The following TNKS variants were observed in gnomAD, a reference collection of about 807,000 sequenced individuals.
TNKS encodes the protein poly [ADP-ribose] polymerase tankyrase-1.
In TNKS, 72 loss-of-function variants were observed where a neutral mutation model predicts 135.8. The observed-to-expected ratio is 0.53, with a 90% confidence interval of 0.44 to 0.64. The LOEUF is 0.64. Among genes scored for constraint, TNKS ranks in the 30% least tolerant of loss-of-function variants. The pLI is 0.00. For synonymous variants in TNKS, 849 were observed against 649.3 expected (o/e 1.31, Z -4.68); for missense variants, 1,769 against 1,674.0 (o/e 1.06, Z -0.99).
chr8:9,589,177 A>G (rs1193662242), intron 2 of TNKS, among the ~76,000 whole-genome samples: 1 of 152,198 alleles, frequency 6.6e-6, no homozygotes, highest in Non-Finnish European at 1.5e-5. Context: ...ATGAAACAAT[A>G]ATCTACTTTC....
intron 7 of TNKS, 138 bp from the exon 8 acceptor site, chr8:9,706,673 G>T: frequency 1.3e-6 from 1 of 742,998 alleles, no homozygotes. Context: ...AGCTGTTTTT[G>T]AAAGGTGATA....
intron 3 of TNKS, among the ~76,000 whole-genome samples, chr8:9,628,898 C>T (rs535496845): frequency 2.6e-5 from 4 of 152,158 alleles, no homozygotes; most frequent in Non-Finnish European, 5.9e-5. Context: ...CTTTCCCTCT[C>T]GGGAAATATT....
At chr8:9,557,525 T>C (rs377367019) in intron 1 of TNKS, 26 of 152,100 alleles carry the variant, frequency 1.7e-4, no homozygotes, top group Admixed American at 1.7e-3. Context: ...ATACCTATTG[T>C]TGATATTTTA....
chr8:9,556,388 T>C lies in TNKS; in HGVS notation c.449T>C (p.Leu150Ser). 6.2e-7 allele frequency: 1 copy of C among 1,614,192 alleles called. No individual in the cohort carries two copies. The highest frequency in any genetic ancestry group is 8.5e-7 in the Non-Finnish European group (1 of 1,180,036). ...SSSPSSPGSS[L>S]AESPEAAGVS... ...TCTCCATCCTCCCCTGGATCGAGCT[T>C]GGCGGAGAGCCCCGAGGCGGCCGGA... Residue 150 changes from leucine (L) to serine (S), a missense_variant, in exon 1 of 27, where the codon TTG (leucine) becomes TCG (serine). Transcript: ENST00000310430.
intron 17 of TNKS, among the ~76,000 whole-genome samples, chr8:9,740,331 T>A (rs1320931054): frequency 1.3e-5 from 2 of 152,178 alleles, no homozygotes; most frequent in African/African-American, 4.8e-5. Context: ...TTGGAATCAC[T>A]CTTGATAGAA....
chr8:9,758,695 G>A (rs575502564), intron 20 of TNKS, among the ~76,000 whole-genome samples: 5 of 152,270 alleles, frequency 3.3e-5, no homozygotes, highest in East Asian at 1.9e-4. Flanking sequence ...GCTGGGACCC[G>A]CTTTCAAGCT....
intron 17 of TNKS, among the ~76,000 whole-genome samples, chr8:9,742,877 A>T (rs1806041039): frequency 6.6e-6 from 1 of 151,740 alleles, no homozygotes; most frequent in Non-Finnish European, 1.5e-5. Flanking sequence ...ACTAATATTA[A>T]CACAATATAA....
chr8:9,558,649 A>G (rs1376283240), intron 1 of TNKS: 1 of 152,166 alleles, frequency 6.6e-6, no homozygotes, highest in Non-Finnish European at 1.5e-5. Context: ...ATTTGCCACA[A>G]TAGTTACTTG....
At chr8:9,663,160 G>A (rs73526934) in intron 3 of TNKS, among the ~76,000 whole-genome samples, 4,641 of 152,266 alleles carry the variant, frequency 0.03, 165 homozygotes, top group African/African-American at 0.091. Flanking sequence ...TAGAGGCTCC[G>A]AAGGAACACA....
chr8:9,585,504 C>T (rs1274978086), intron 2 of TNKS, among the ~76,000 whole-genome samples: 3 of 151,924 alleles, frequency 2.0e-5, no homozygotes, highest in Non-Finnish European at 2.9e-5. Flanking sequence ...TTGCACTTTT[C>T]CAGAAAGAAG....
chr8:9,726,796 T>C (rs1426788887), intron 13 of TNKS, 76 bp downstream of exon 13: 1 of 1,160,970 alleles, frequency 8.6e-7, no homozygotes, highest in Non-Finnish European at 1.3e-6. Flanking sequence ...CTTCTAAGTA[T>C]ATCTACTCAA....
intron 26 of TNKS, among the ~76,000 whole-genome samples, chr8:9,772,855 GTGTGTA>G (rs2128843236): frequency 7.1e-6 from 1 of 141,124 alleles, no homozygotes; most frequent in Admixed American, 7.4e-5. Context: ...GTGTGTGTGT[GTGTGTA>G]GTGCGTATGT....
At chr8:9,599,400 G>T (rs1798927545) in intron 2 of TNKS, among the ~76,000 whole-genome samples, 1 of 152,198 alleles carries the variant, frequency 6.6e-6, no homozygotes, top group African/African-American at 2.4e-5. Flanking sequence ...AATTCACTGT[G>T]TTAGGTAGTG....
chr8:9,721,300 A>ATATATATATATATATATG lies in TNKS; in HGVS notation c.1921+767_1921+768insTATATGTATATATATATA, dbSNP rs1216159684. ...TGTCTCAAAAATAAATAAATAAATT[A>ATATATATATATATATATG]TATATATATATAAAATTATAAAATT... On this transcript the variant is annotated intron_variant, in intron 12 of 26. Transcript: ENST00000310430. 1.1e-4 allele frequency among the ~76,000 whole-genome samples: 16 copies of ATATATATATATATATATG among 142,746 alleles called. 2 individuals carry two copies. The highest frequency in any genetic ancestry group is 1.5e-4 in the Non-Finnish European group (10 of 64,986). 93.6% of individuals were successfully genotyped at this position (142,746 alleles called of 152,430 possible).
intron 2 of TNKS, among the ~76,000 whole-genome samples, chr8:9,594,244 T>A (rs544627146): frequency 4.0e-4 from 61 of 152,308 alleles, no homozygotes; most frequent in African/African-American, 1.4e-3. Context: ...GGGTTTTTTC[T>A]TAACAGCATT....
chr8:9,688,302 A>G (rs776655057), intron 5 of TNKS, among the ~76,000 whole-genome samples: 1 of 152,242 alleles, frequency 6.6e-6, no homozygotes, highest in Non-Finnish European at 1.5e-5. Context: ...AGGTGCAAAC[A>G]GAAGTCTGAT....
At chr8:9,662,522 A>T (rs991748280) in intron 3 of TNKS, among the ~76,000 whole-genome samples, 3 of 152,148 alleles carry the variant, frequency 2.0e-5, no homozygotes, top group African/African-American at 4.8e-5. Flanking sequence ...GTATGTTCTG[A>T]CTCATAGGTG....
intron 3 of TNKS, among the ~76,000 whole-genome samples, chr8:9,658,769 A>C (rs1408550418): frequency 2.0e-5 from 3 of 152,244 alleles, no homozygotes; most frequent in Non-Finnish European, 4.4e-5. Context: ...TAAATGCTCC[A>C]ATTAAAAGAC....
At chr8:9,731,937 G>A (rs897753228) in intron 14 of TNKS, among the ~76,000 whole-genome samples, 4 of 151,992 alleles carry the variant, frequency 2.6e-5, no homozygotes, top group East Asian at 3.9e-4. Context: ...ACAGGCGCCC[G>A]TCACCACGCC....
Sources: allele counts gnomAD v4.1 joint callset (sites outside exome capture counted in the v4.1 genomes callset), GRCh38; gene constraint gnomAD v4.1.1; transcripts MANE v1.5; gene names NCBI Gene and HGNC (gene_info 2026-07-23, HGNC 2026-07-21).